The following GRID1 variants were observed in gnomAD, a reference collection of about 807,000 sequenced individuals.
GRID1 encodes glutamate ionotropic receptor delta type subunit 1.
In GRID1, 28 loss-of-function variants were observed where a neutral mutation model predicts 98.0. That is an observed-to-expected ratio of 0.29 (90% CI 0.21 to 0.39). The LOEUF (loss-of-function observed/expected upper bound fraction) is 0.39. GRID1 is among the 10% of genes least tolerant of loss of function. GRID1 has a pLI of 1.00. For missense variants in GRID1, 1,111 were observed against 1,340.5 expected (o/e 0.83, Z 2.67); for synonymous variants, 553 against 538.5 (o/e 1.03, Z -0.37).
intron 12 of GRID1, among the ~76,000 whole-genome samples, chr10:85,682,946 G>A (rs1219836795): frequency 6.6e-6 from 1 of 152,158 alleles, no homozygotes; most frequent in Non-Finnish European, 1.5e-5. Flanking sequence ...TTTCATTTGT[G>A]GTCAGTTTTC....
At chr10:85,829,310 A>G (rs571123117) in intron 8 of GRID1, among the ~76,000 whole-genome samples, 2 of 152,240 alleles carry the variant, frequency 1.3e-5, no homozygotes, top group African/African-American at 4.8e-5. Flanking sequence ...ACCTCAAAAA[A>G]AAAAGTCATA....
At chr10:85,943,881 G>T (rs984415751) in intron 4 of GRID1, among the ~76,000 whole-genome samples, 1 of 152,222 alleles carries the variant, frequency 6.6e-6, no homozygotes, top group Admixed American at 6.5e-5. Context: ...CCCAAGCCCG[G>T]AGTCTGGATT....
intron 2 of GRID1, among the ~76,000 whole-genome samples, chr10:86,232,297 G>A (rs570496520): frequency 8.5e-5 from 13 of 152,296 alleles, no homozygotes; most frequent in East Asian, 5.8e-4. Context: ...TGCCGCTCCC[G>A]CTCCCTCAGG....
intron 12 of GRID1, among the ~76,000 whole-genome samples, chr10:85,660,194 G>A (rs1157256946): frequency 6.6e-6 from 1 of 152,358 alleles, no homozygotes; most frequent in East Asian, 1.9e-4. Flanking sequence ...AATGCCTGGG[G>A]GGCATCAATG....
At chr10:85,692,659 C>T (rs2132612047) in intron 12 of GRID1, among the ~76,000 whole-genome samples, 1 of 50,002 alleles carries the variant, frequency 2.0e-5, no homozygotes, top group Non-Finnish European at 3.8e-5. Flanking sequence ...AGAGTGAGAC[C>T]CTGTTAAAAA....
intron 2 of GRID1, among the ~76,000 whole-genome samples, chr10:86,333,927 A>G (rs905640570): frequency 3.3e-5 from 5 of 152,154 alleles, no homozygotes; most frequent in African/African-American, 1.2e-4. Flanking sequence ...GTTCAAACCA[A>G]TGCTGTTTAA....
intron 2 of GRID1, among the ~76,000 whole-genome samples, chr10:86,326,653 C>T (rs1446418965): frequency 6.6e-6 from 1 of 152,112 alleles, no homozygotes; most frequent in Non-Finnish European, 1.5e-5. Context: ...TACTGTTGGA[C>T]CAAGCAAATG....
intron 5 of GRID1, among the ~76,000 whole-genome samples, chr10:85,877,901 T>C (rs989840417): frequency 6.6e-6 from 1 of 152,004 alleles, no homozygotes; most frequent in Non-Finnish European, 1.5e-5. Flanking sequence ...ATAACTAGAA[T>C]AACCAATGCA....
intron 3 of GRID1, among the ~76,000 whole-genome samples, chr10:86,196,458 G>A (rs910897358): frequency 1.3e-5 from 2 of 152,010 alleles, no homozygotes; most frequent in African/African-American, 4.8e-5. Context: ...TCCACGGTAG[G>A]CGTTTTTATT....
chr10:85,682,309 GAT>G (rs1388566076), intron 12 of GRID1, among the ~76,000 whole-genome samples: 1 of 152,228 alleles, frequency 6.6e-6, no homozygotes, highest in Non-Finnish European at 1.5e-5. Context: ...TTGGGAAGAT[GAT>G]ATGAGATTTG....
intron 8 of GRID1, among the ~76,000 whole-genome samples, chr10:85,742,081 T>C (rs1841949340): frequency 2.0e-5 from 3 of 152,212 alleles, no homozygotes; most frequent in Admixed American, 6.5e-5. Context: ...TTCTCAAATA[T>C]TGAAACTGTG....
intron 12 of GRID1, among the ~76,000 whole-genome samples, chr10:85,704,550 G>T (rs1199651104): frequency 6.6e-6 from 1 of 152,130 alleles, no homozygotes; most frequent in African/African-American, 2.4e-5. Flanking sequence ...GTCAACATTA[G>T]ACAGATCAAC....
chr10:85,826,194 G>T (rs1301308517), intron 8 of GRID1, among the ~76,000 whole-genome samples: 2 of 152,112 alleles, frequency 1.3e-5, no homozygotes, highest in Non-Finnish European at 2.9e-5. Flanking sequence ...AATTAGCTGG[G>T]CATGGTGGCA....
intron 4 of GRID1, among the ~76,000 whole-genome samples, chr10:86,007,861 G>A (rs981993260): frequency 2.0e-5 from 3 of 149,106 alleles, no homozygotes; most frequent in African/African-American, 5.1e-5. Context: ...TTTTTGGTTA[G>A]GGGGAGTTGT....
chr10:86,090,549 A>G (rs952508096), intron 4 of GRID1, among the ~76,000 whole-genome samples: 2 of 152,092 alleles, frequency 1.3e-5, no homozygotes, highest in African/African-American at 4.8e-5. Context: ...AAGATCTAAC[A>G]TTTGTGTCAT....
intron 4 of GRID1, among the ~76,000 whole-genome samples, chr10:86,099,303 A>G (rs1844261666): frequency 6.6e-6 from 1 of 152,232 alleles, no homozygotes; most frequent in Non-Finnish European, 1.5e-5. Context: ...TGACTGCTCT[A>G]TAAATCCTTC....
chr10:86,162,849 G>T (rs1054706080), intron 3 of GRID1, among the ~76,000 whole-genome samples: 2 of 152,172 alleles, frequency 1.3e-5, no homozygotes, highest in Admixed American at 6.5e-5. Flanking sequence ...GCTGAGATGG[G>T]CTCCTGCGAA....
intron 8 of GRID1, among the ~76,000 whole-genome samples, chr10:85,739,099 T>C (rs974568992): frequency 6.6e-6 from 1 of 152,160 alleles, no homozygotes; most frequent in Non-Finnish European, 1.5e-5. Context: ...ATATGGCACA[T>C]ACTTGTATTT....
At chr10:85,993,132 C>A (rs1842701850) in intron 4 of GRID1, among the ~76,000 whole-genome samples, 2 of 152,098 alleles carry the variant, frequency 1.3e-5, no homozygotes, top group Non-Finnish European at 2.9e-5. Context: ...CAGAGGACAA[C>A]CGGTTTGAGT....
Sources: gnomAD v4.1 joint callset for allele counts (sites outside exome capture counted in the v4.1 genomes callset) on GRCh38, gnomAD v4.1.1 for gene constraint, MANE v1.5 for transcripts, NCBI Gene and HGNC (gene_info 2026-07-23, HGNC 2026-07-21) for gene names.